IGFN1: variants seen among roughly 807,000 people sequenced by gnomAD.
The protein encoded by IGFN1 is immunoglobulin like and fibronectin type III domain containing 1.
A neutral mutation model predicts 289.5 loss-of-function variants in IGFN1; 253 were observed. The observed-to-expected ratio is 0.87, with a 90% CI of 0.79 to 0.97. The LOEUF is 0.97. IGFN1 is among the 50% of genes least tolerant of loss of function. The pLI, the probability that IGFN1 is intolerant of heterozygous loss-of-function variation, is 0.00. For missense variants in IGFN1, 4,470 were observed against 4,686.1 expected (o/e 0.95, Z 1.35); for synonymous variants, 1,706 against 1,788.5 (o/e 0.95, Z 1.16).
At position 201,209,652 on chromosome 1, in the gene IGFN1, G is replaced by A. The variant is rs1335184422; in HGVS notation, c.4759G>A (p.Gly1587Ser). The stretch of plus-strand genomic sequence containing the variant: ...AGGGAGTAAGGCAAGTTTTAGGGAT[G>A]GTTTAGGAGGTTCTGGAGAAATGGG... The part of the protein sequence containing the change: ...GSGSKASFRD[G>S]LGGSGEMGSV... The change falls in exon 12 of 24, where the codon GGT becomes AGT. Residue 1587 changes from glycine to serine, a missense_variant. Coordinates refer to ENST00000335211, the MANE Select transcript of IGFN1 (RefSeq NM_001164586.2). 17 of 1,536,332 alleles carry A rather than the reference G, an allele frequency of 1.1e-5. No homozygotes were observed. The highest frequency in any genetic ancestry group is 2.0e-5 in the Admixed American group (1 of 50,898).
In IGFN1 at chr1:201,199,358, G is replaced by A; in HGVS notation, c.392G>A (p.Arg131Lys). 1 of 1,552,132 alleles carries A rather than the reference G, an allele frequency of 6.4e-7. No individual in the cohort carries two copies. Among genetic ancestry groups the A allele is most frequent in the Non-Finnish European group, 8.7e-7 (1 of 1,147,092 alleles). The change falls in exon 6 of 24, where the codon AGG becomes AAG. Residue 131 changes from arginine to lysine, a missense_variant. Around this residue, in one of 8 missense-constraint regions of IGFN1, gnomAD observed 2,011 missense variants for 1,953.4 expected, o/e 1.03. Transcript: ENST00000335211. ...GTTGGCTTTCGGAAGAATCGGAAGA[G>A]GCACAGGGAACCGCAGGAAGGTAGG... The part of the protein sequence containing the change: ...IEVGFRKNRK[R>K]HREPQEDLRK...
At position 201,215,035 on chromosome 1, in the gene IGFN1, T is replaced by A. The variant is rs1210049492; in HGVS notation, c.8876T>A (p.Ile2959Asn). 6.2e-7 allele frequency: 1 copy of A among 1,614,086 alleles called. No individual in the cohort carries two copies. Among genetic ancestry groups the A allele is most frequent in the Admixed American group, 1.7e-5 (1 of 60,014 alleles). Residue 2959 changes from isoleucine (I) to asparagine (N), a missense_variant, in exon 14 of 24, where the codon ATC becomes AAC. Around this residue, in one of 8 missense-constraint regions of IGFN1, gnomAD observed 2,218 missense variants for 2,114.1 expected, o/e 1.05. Coordinates refer to ENST00000335211, the MANE Select transcript of IGFN1 (RefSeq NM_001164586.2). ...GVKLTTQDGV[I>N]FKQDGLVHSL... ...CAGCTCACCACCCAGGATGGAGTCATCTTTAAGCAAGACGGTCTCGTGCAC... is the reference window on the plus strand; with the variant it reads ...CAGCTCACCACCCAGGATGGAGTCAACTTTAAGCAAGACGGTCTCGTGCAC...
Position 201,195,881 on chromosome 1 carries a change from G to T in IGFN1, c.170G>T (p.Arg57Met). 6.4e-7 allele frequency: 1 copy of T among 1,551,736 alleles called. No homozygotes were observed. Among genetic ancestry groups the T allele is most frequent in the African/African-American group, 1.4e-5 (1 of 73,154 alleles). The change falls in exon 4 of 24, where the codon AGG (arginine) becomes ATG (methionine). Residue 57 changes from arginine to methionine, a missense_variant. By Grantham distance (91) the Arg-to-Met change is moderately conservative (BLOSUM62 -1). Transcript: ENST00000335211. ...VFRAVVCGEP[R>M]PEVRWQNSKG... ...CGGGCTGTGGTCTGTGGGGAGCCCAGGCCCGAGGTGCGTTGGCAGAACTCC... is the reference window on the plus strand; with the variant it reads ...CGGGCTGTGGTCTGTGGGGAGCCCATGCCCGAGGTGCGTTGGCAGAACTCC...
Position 201,206,172 on chromosome 1 carries a change from A to G in IGFN1, c.1279A>G (p.Ser427Gly). Reference sequence around the variant, plus strand: ...GGCATCAGGAGCAGAAGAGTCTGGGAGCATCGAGAGCCAGGGAGAGAAATC... The same window carrying G: ...GGCATCAGGAGCAGAAGAGTCTGGGGGCATCGAGAGCCAGGGAGAGAAATC... ...AQASGAEESG[S>G]IESQGEKSRE... The change falls in exon 12 of 24, where the codon AGC becomes GGC. Residue 427 changes from serine (S) to glycine (G), a missense_variant. Physicochemically the swap from Ser to Gly is moderately conservative, Grantham distance 56. This residue lies in a region of IGFN1 where 2,011 missense variants were observed against 1,953.4 expected (regional missense o/e 1.03). Transcript: ENST00000335211. The G allele has an allele frequency of 6.4e-7, 1 of 1,550,650 alleles. No individual in the cohort carries two copies. The highest frequency in any genetic ancestry group is 8.7e-7 in the Non-Finnish European group (1 of 1,146,884).
intron 10 of IGFN1, 89 bp downstream of exon 10, chr1:201,203,995 A>T: frequency 8.3e-7 from 1 of 1,198,890 alleles, no homozygotes; most frequent in South Asian, 1.5e-5. Flanking sequence ...TGGGGGGTAA[A>T]TGTGATGTGG....
At position 201,221,043 on chromosome 1, in the gene IGFN1, A is replaced by G. The variant is rs141095746; in HGVS notation, c.9899-401A>G. ...AGCCTGCACTGAGTACCCAGAAGGC[A>G]GAGTCGTGACTCTAAGAGCTTAGAG... On this transcript the variant is annotated intron_variant, in intron 18 of 23. Transcript: ENST00000335211. 1.6e-3 allele frequency among the ~76,000 whole-genome samples: 240 copies of G among 152,004 alleles called. 1 individual carries two copies. Among genetic ancestry groups the G allele is most frequent in the African/African-American group, 5.5e-3 (229 of 41,562 alleles).
intron 20 of IGFN1, among the ~76,000 whole-genome samples, chr1:201,223,294 T>A (rs1022613424): frequency 2.0e-5 from 3 of 152,340 alleles, no homozygotes; most frequent in Middle Eastern, 3.4e-3. Context: ...AAGTACAAAC[T>A]GCCTGGGTTC....
chr1:201,203,590 C>T, intron 9 of IGFN1, 148 bp from the exon 10 acceptor site: 2 of 682,450 alleles, frequency 2.9e-6, no homozygotes, highest in Non-Finnish European at 4.9e-6. Flanking sequence ...GCTGTCCACC[C>T]CATCCCAGCT....
intron 17 of IGFN1, among the ~76,000 whole-genome samples, 165 bp downstream of exon 17, chr1:201,217,625 T>C (rs1425682023): frequency 6.6e-6 from 1 of 152,188 alleles, no homozygotes; most frequent in African/African-American, 2.4e-5. Context: ...GGGTAAATGT[T>C]ACAGGCATCT....
chr1:201,212,842 C>T lies in IGFN1; in HGVS notation c.7949C>T (p.Ala2650Val), dbSNP rs1295590648. 3.2e-6 allele frequency: 5 copies of T among 1,551,190 alleles called. No homozygotes were observed. The African/African-American group carries it at 6.8e-5, about 21-fold the overall frequency. Residue 2650 changes from alanine (A) to valine (V), a missense_variant, in exon 12 of 24, where the codon GCT (alanine) becomes GTT (valine). Around this residue, in one of 8 missense-constraint regions of IGFN1, gnomAD observed 2,218 missense variants for 2,114.1 expected, o/e 1.05. Transcript: ENST00000335211. ...DAGKQPAGSRASGSLQEKDAA... is the reference protein window; with the variant it reads ...DAGKQPAGSRVSGSLQEKDAA... ...GGGAAGCAGCCCGCAGGCTCCAGAG[C>T]TTCCGGTTCTCTGCAGGAGAAAGAT...
intron 8 of IGFN1, among the ~76,000 whole-genome samples, chr1:201,201,255 G>A (rs527599509): frequency 5.1e-4 from 78 of 152,276 alleles, no homozygotes; most frequent in African/African-American, 1.8e-3. Flanking sequence ...TATAGCATAA[G>A]TCTAATTTTT....
chr1:201,225,982 G>A lies in IGFN1; in HGVS notation c.10645G>A (p.Asp3549Asn), dbSNP rs774172530. 1.4e-5 allele frequency: 22 copies of A among 1,575,626 alleles called. No homozygotes were observed. The highest frequency in any genetic ancestry group is 3.5e-5 in the South Asian group (3 of 85,418). The change falls in exon 22 of 24, where the codon GAC becomes AAC. Residue 3549 changes from aspartate (D) to asparagine (N), a missense_variant. Transcript: ENST00000335211. ...GCACGGTCCCTGGCACGAGGCAGCC[G>A]ACCGCATCCACACCAACCGCTTCAC... ...SAHGPWHEAA[D>N]RIHTNRFTLL...
chr1:201,226,167 C>T (rs770576146), intron 22 of IGFN1, 44 bp downstream of exon 22: 10 of 1,521,170 alleles, frequency 6.6e-6, no homozygotes, highest in South Asian at 2.5e-5. Context: ...GTGGGGGTTG[C>T]GCTCTGCAAT....
rs181647340 is a variant in IGFN1, at chr1:201,211,692, G to A, written c.6799G>A (p.Asp2267Asn). The stretch of plus-strand genomic sequence containing the variant: ...GGAAATGGGTTCAGGCAGTTACACA[G>A]ATTACAGGAATGGTTTAGGCAGTTC... ...PEEMGSGSYT[D>N]YRNGLGSSGK... Residue 2267 changes from aspartate (D) to asparagine (N), a missense_variant, in exon 12 of 24, where the codon GAT (aspartate) becomes AAT (asparagine). Around this residue, in one of 8 missense-constraint regions of IGFN1, gnomAD observed 2,218 missense variants for 2,114.1 expected, o/e 1.05. Transcript: ENST00000335211. 1,182 of 1,537,066 alleles carry A rather than the reference G, an allele frequency of 7.7e-4. 3 individuals are homozygous for A. The highest frequency in any genetic ancestry group is 1.3e-3 in the South Asian group (107 of 84,060).
chr1:201,222,758 G>A lies in IGFN1; in HGVS notation c.10221G>A (p.Val3407=). Residue 3407 remains valine (V), a synonymous_variant, in exon 20 of 24, where the codon GTG becomes GTA. Coordinates refer to ENST00000335211, the MANE Select transcript of IGFN1 (RefSeq NM_001164586.2). ...MPVTVCPKFL[V]DSSTKDLLTV... Reference sequence around the variant, plus strand: ...TTTCAGTCTGTCCCAAGTTCCTCGTGGACTCCAGCACCAAGGACTTGCTGA... The same window carrying A: ...TTTCAGTCTGTCCCAAGTTCCTCGTAGACTCCAGCACCAAGGACTTGCTGA... The A allele has an allele frequency of 6.2e-6, 10 of 1,612,872 alleles. No individual in the cohort carries two copies. The highest frequency in any genetic ancestry group is 8.5e-6 in the Non-Finnish European group (10 of 1,179,198).
intron 6 of IGFN1, 79 bp from the exon 7 acceptor site, chr1:201,199,530 T>C (rs1667058214): frequency 6.9e-6 from 10 of 1,448,698 alleles, no homozygotes; most frequent in Middle Eastern, 1.8e-4. Flanking sequence ...GTTGTCAGCA[T>C]GGACAACACA....
intron 21 of IGFN1, 63 bp downstream of exon 21, chr1:201,224,937 G>A: frequency 7.9e-7 from 1 of 1,258,632 alleles, no homozygotes; most frequent in South Asian, 1.4e-5. Flanking sequence ...GCAAAGAGGT[G>A]TCCACTGGTC....
At chr1:201,225,683 C>T in intron 21 of IGFN1, 141 bp from the exon 22 acceptor site, 1 of 661,276 alleles carries the variant, frequency 1.5e-6, no homozygotes, top group Non-Finnish European at 2.5e-6. Context: ...GGACCGCTGG[C>T]CAAGCTTACT....
intron 9 of IGFN1, 150 bp from the exon 10 acceptor site, chr1:201,203,587 AC>A: frequency 1.5e-6 from 1 of 671,760 alleles, no homozygotes; most frequent in Non-Finnish European, 2.5e-6. Flanking sequence ...CCTGCTGTCC[AC>A]CCCATCCCAG....
Sources: allele counts gnomAD v4.1 joint callset (sites outside exome capture counted in the v4.1 genomes callset), GRCh38; gene constraint gnomAD v4.1.1; regional missense constraint gnomAD v4.1.1; transcripts MANE v1.5; gene names NCBI Gene and HGNC (gene_info 2026-07-23, HGNC 2026-07-21).